Variants in PTPRD observed in about 807,000 individuals in gnomAD.
PTPRD encodes the protein protein tyrosine phosphatase receptor type D.
In PTPRD, 34 loss-of-function variants were observed where a neutral mutation model predicts 214.5. The observed-to-expected ratio is 0.16, with a 90% CI of 0.12 to 0.21. The LOEUF (loss-of-function observed/expected upper bound fraction) is 0.21. Ranked by LOEUF, PTPRD falls within the 10% of genes least tolerant of loss-of-function variation. The pLI is 1.00. For missense variants in PTPRD, 2,545 were observed against 2,398.7 expected, an observed-to-expected ratio of 1.06 and a Z score of -1.27; for synonymous variants, 1,128 against 845.7, an observed-to-expected ratio of 1.33 and a Z score of -5.79.
chr9:9,511,926 C>A (rs961669580), intron 8 of PTPRD, among the ~76,000 whole-genome samples: 6 of 151,690 alleles, frequency 4.0e-5, no homozygotes, highest in East Asian at 1.9e-4. Flanking sequence ...CTGCTATTTG[C>A]ATTCTTCCTA....
intron 9 of PTPRD, among the ~76,000 whole-genome samples, chr9:9,229,401 G>A (rs2099961661): frequency 6.6e-6 from 1 of 152,022 alleles, no homozygotes; most frequent in South Asian, 2.1e-4. Flanking sequence ...GAACAGCAAT[G>A]CCTCATAGAA....
intron 3 of PTPRD, among the ~76,000 whole-genome samples, chr9:10,218,929 A>T (rs1449775291): frequency 1.3e-5 from 2 of 151,842 alleles, no homozygotes; most frequent in African/African-American, 4.8e-5. Context: ...TGCATATGAC[A>T]TATTTAACTA....
intron 9 of PTPRD, among the ~76,000 whole-genome samples, chr9:9,348,118 A>G (rs561943039): frequency 2.0e-5 from 3 of 152,264 alleles, no homozygotes; most frequent in Non-Finnish European, 4.4e-5. Context: ...CATTCTTTCA[A>G]TGTTCCCACC....
chr9:8,837,701 T>A (rs985804084), intron 11 of PTPRD, among the ~76,000 whole-genome samples: 3 of 152,100 alleles, frequency 2.0e-5, no homozygotes, highest in African/African-American at 4.8e-5. Flanking sequence ...GAGATCTTGC[T>A]ATGTTGCCCA....
chr9:9,843,117 T>A (rs2058722650), intron 5 of PTPRD, among the ~76,000 whole-genome samples: 1 of 151,322 alleles, frequency 6.6e-6, no homozygotes, highest in African/African-American at 2.5e-5. Flanking sequence ...ATGTCAGAGT[T>A]AAGTTGTTAC....
intron 26 of PTPRD, 82 bp from the exon 27 acceptor site, chr9:8,493,061 T>G: frequency 1.7e-6 from 2 of 1,161,664 alleles, no homozygotes; most frequent in Non-Finnish European, 2.6e-6. Context: ...CTGCCTTCAT[T>G]CTGCAAATGC....
intron 8 of PTPRD, among the ~76,000 whole-genome samples, chr9:9,456,198 T>C (rs1466050932): frequency 1.3e-5 from 2 of 151,872 alleles, no homozygotes; most frequent in African/African-American, 4.8e-5. Context: ...GTTAAGAACA[T>C]AACTCAGTTT....
chr9:10,066,203 T>A (rs896937607), intron 3 of PTPRD, among the ~76,000 whole-genome samples: 2 of 151,912 alleles, frequency 1.3e-5, no homozygotes, highest in African/African-American at 2.4e-5. Context: ...TACTTTGTTA[T>A]GTTTATTGTT....
chr9:9,043,188 C>A (rs2099648324), intron 10 of PTPRD, among the ~76,000 whole-genome samples: 1 of 152,144 alleles, frequency 6.6e-6, no homozygotes, highest in South Asian at 2.1e-4. Context: ...TGTATCCTAG[C>A]AGAGGAAAGC....
chr9:9,954,037 T>C (rs1484572985), intron 4 of PTPRD, among the ~76,000 whole-genome samples: 37 of 152,040 alleles, frequency 2.4e-4, no homozygotes, highest in Non-Finnish European at 2.9e-5. Flanking sequence ...TGGCTCATGC[T>C]GGTAATCCCA....
At chr9:8,772,644 A>T (rs1182370749) in intron 11 of PTPRD, among the ~76,000 whole-genome samples, 1 of 152,116 alleles carries the variant, frequency 6.6e-6, no homozygotes, top group Non-Finnish European at 1.5e-5. Context: ...CCTTGTCTCT[A>T]AAAAAATAAT....
chr9:9,435,387 G>C (rs1394020709), intron 8 of PTPRD, among the ~76,000 whole-genome samples: 1 of 120,724 alleles, frequency 8.3e-6, no homozygotes, highest in Non-Finnish European at 1.7e-5. Flanking sequence ...AGCCAGGCAT[G>C]GTGGCATGTG....
At chr9:9,134,257 T>A (rs2099847491) in intron 10 of PTPRD, among the ~76,000 whole-genome samples, 1 of 147,960 alleles carries the variant, frequency 6.8e-6, no homozygotes, top group East Asian at 2.0e-4. Context: ...TATTTTTTAG[T>A]AGAGACGAGG....
intron 11 of PTPRD, among the ~76,000 whole-genome samples, chr9:8,754,780 G>C (rs999526893): frequency 2.6e-5 from 4 of 152,056 alleles, no homozygotes; most frequent in Non-Finnish European, 5.9e-5. Context: ...TATCAAGAAA[G>C]GGCAATCTAC....
intron 10 of PTPRD, among the ~76,000 whole-genome samples, chr9:9,096,499 CTT>C (rs1276715995): frequency 6.6e-6 from 1 of 152,050 alleles, no homozygotes; most frequent in African/African-American, 2.4e-5. Flanking sequence ...TTCCATGACT[CTT>C]TTTACAATTA....
intron 10 of PTPRD, among the ~76,000 whole-genome samples, chr9:9,134,055 ATTCT>A (rs2099846968): frequency 1.8e-5 from 2 of 110,394 alleles, no homozygotes; most frequent in African/African-American, 6.6e-5. Context: ...ATATAGAATC[ATTCT>A]TTTTTTTTTT....
intron 3 of PTPRD, among the ~76,000 whole-genome samples, chr9:10,057,578 G>C (rs551901027): frequency 9.9e-5 from 15 of 152,124 alleles, no homozygotes; most frequent in Non-Finnish European, 2.2e-4. Context: ...AAGTAGTGTG[G>C]CTCACGCCTG....
chr9:9,769,745 G>A (rs2098736821), intron 5 of PTPRD, among the ~76,000 whole-genome samples: 1 of 152,020 alleles, frequency 6.6e-6, no homozygotes, highest in Non-Finnish European at 1.5e-5. Context: ...TTCTCCTAAT[G>A]CTATCCCTCC....
chr9:8,504,680 G>A (rs555227222), intron 22 of PTPRD, among the ~76,000 whole-genome samples: 3 of 152,262 alleles, frequency 2.0e-5, no homozygotes, highest in African/African-American at 7.2e-5. Flanking sequence ...CAGATAAGAC[G>A]AAGATTGAGA....
Sources: gnomAD v4.1 joint callset for allele counts (sites outside exome capture counted in the v4.1 genomes callset) on GRCh38, gnomAD v4.1.1 for gene constraint, MANE v1.5 for transcripts, NCBI Gene and HGNC (gene_info 2026-07-23, HGNC 2026-07-21) for gene names.